The following SS18 variants were observed in gnomAD, a reference collection of about 807,000 sequenced individuals.
The protein encoded by SS18 is SS18 subunit of BAF chromatin remodeling complex.
A neutral mutation model predicts 72.5 loss-of-function variants in SS18; 28 were observed. The observed-to-expected ratio is 0.39, with a 90% CI of 0.29 to 0.53. The LOEUF is 0.53. Ranked by LOEUF, SS18 falls within the 20% of genes least tolerant of loss-of-function variation. The probability of loss-of-function intolerance (pLI) is 0.76; values close to 1 mark genes in which losing one functional copy is unlikely to be tolerated. For synonymous variants in SS18, 172 were observed against 164.2 expected (o/e 1.05, Z -0.37); for missense variants, 518 against 535.3 (o/e 0.97, Z 0.32).
chr18:26,050,999 G>T (rs2053913019), intron 5 of SS18, among the ~76,000 whole-genome samples: 1 of 152,028 alleles, frequency 6.6e-6, no homozygotes, highest in South Asian at 2.1e-4. Flanking sequence ...AATCTCTTCA[G>T]ATCTCTACCT....
intron 5 of SS18, among the ~76,000 whole-genome samples, chr18:26,043,900 T>C (rs573180392): frequency 3.3e-5 from 5 of 152,322 alleles, no homozygotes; most frequent in African/African-American, 1.2e-4. Flanking sequence ...TCATAAAAGT[T>C]TTAAAAGGTA....
intron 4 of SS18, among the ~76,000 whole-genome samples, chr18:26,053,929 A>C (rs574036689): frequency 2.6e-4 from 40 of 152,296 alleles, no homozygotes; most frequent in African/African-American, 9.1e-4. Flanking sequence ...TGTGATGACA[A>C]ACAACAATTC....
intron 2 of SS18, among the ~76,000 whole-genome samples, chr18:26,081,064 G>A (rs1361455153): frequency 7.0e-6 from 1 of 143,270 alleles, no homozygotes; most frequent in Non-Finnish European, 1.5e-5. Context: ...AGTCCGGCCT[G>A]GGCGACAGAG....
In SS18 at chr18:26,078,158, T is replaced by C. The variant is rs1280402072; in HGVS notation, c.149A>G (p.Tyr50Cys). ...CAAGTTTGTGTGCAACATCTGCTGATACCTATTAAAACAAAACAAGTATCA... is the reference window on the plus strand; with the variant it reads ...CAAGTTTGTGTGCAACATCTGCTGACACCTATTAAAACAAAACAAGTATCA... ...NKGKTSECSQ[Y>C]QQMLHTNLVY... The change falls in exon 3 of 11, where the codon TAT (tyrosine) becomes TGT (cysteine). Residue 50 changes from tyrosine to cysteine, a missense_variant and splice_region_variant. Tyr to Cys is a radical substitution (Grantham distance 194). Coordinates refer to ENST00000415083, the MANE Select transcript of SS18 (RefSeq NM_001007559.3). 1.2e-6 allele frequency: 2 copies of C among 1,610,300 alleles called. No individual in the cohort carries two copies. The highest frequency in any genetic ancestry group is 4.5e-5 in the East Asian group (2 of 44,670).
chr18:26,040,674 A>G (rs1206804942), intron 5 of SS18, among the ~76,000 whole-genome samples: 1 of 152,186 alleles, frequency 6.6e-6, no homozygotes, highest in Non-Finnish European at 1.5e-5. Flanking sequence ...CACATTTCCA[A>G]TCAGAAGAAC....
chr18:26,062,609 T>C (rs564089151), intron 3 of SS18, among the ~76,000 whole-genome samples: 5 of 152,288 alleles, frequency 3.3e-5, no homozygotes, highest in South Asian at 4.1e-4. Context: ...ATACATTAGA[T>C]TGGATTTCAA....
chr18:26,038,202 T>C (rs2053658246), intron 7 of SS18, among the ~76,000 whole-genome samples: 1 of 152,130 alleles, frequency 6.6e-6, no homozygotes, highest in Non-Finnish European at 1.5e-5. Flanking sequence ...GGGTGAACTT[T>C]ATGGCAGGTG....
At chr18:26,031,304 C>T (rs2053538548) in intron 10 of SS18, among the ~76,000 whole-genome samples, 1 of 152,112 alleles carries the variant, frequency 6.6e-6, no homozygotes, top group African/African-American at 2.4e-5. Flanking sequence ...AGTGTCAATA[C>T]AAGAGGGTTG....
chr18:26,041,789 T>A (rs1568000483), intron 5 of SS18, among the ~76,000 whole-genome samples: 1 of 152,034 alleles, frequency 6.6e-6, no homozygotes, highest in Non-Finnish European at 1.5e-5. Flanking sequence ...ACACTAAACC[T>A]TGCTCTAAAG....
At chr18:26,067,493 G>A (rs989529079) in intron 3 of SS18, among the ~76,000 whole-genome samples, 1 of 152,176 alleles carries the variant, frequency 6.6e-6, no homozygotes, top group African/African-American at 2.4e-5. Context: ...CCTGTGGAAT[G>A]TCCAAATGGG....
At chr18:26,090,135 T>C (rs928321612) in intron 1 of SS18, 1 of 231,348 alleles carries the variant, frequency 4.3e-6, no homozygotes, top group Non-Finnish European at 8.3e-6. Flanking sequence ...GACGCCAAAG[T>C]AACTCCGGAG....
intron 3 of SS18, among the ~76,000 whole-genome samples, chr18:26,070,294 A>C (rs1598597392): frequency 2.0e-5 from 3 of 152,292 alleles, no homozygotes; most frequent in Admixed American, 2.0e-4. Context: ...TATCTACACT[A>C]AATGGAGCCA....
intron 3 of SS18, among the ~76,000 whole-genome samples, chr18:26,059,648 T>TGAAATA (rs2054085155): frequency 6.6e-6 from 1 of 152,180 alleles, no homozygotes; most frequent in South Asian, 2.1e-4. Context: ...AGGTCGAAAT[T>TGAAATA]GAAATAGATC....
intron 3 of SS18, 56 bp downstream of exon 3, chr18:26,078,020 C>A: frequency 7.7e-7 from 1 of 1,292,302 alleles, no homozygotes; most frequent in South Asian, 1.3e-5. Context: ...AAAAATGTGC[C>A]ATACCATATG....
At chr18:26,066,120 C>G (rs1370961970) in intron 3 of SS18, among the ~76,000 whole-genome samples, 1 of 151,950 alleles carries the variant, frequency 6.6e-6, no homozygotes, top group Non-Finnish European at 1.5e-5. Context: ...CTTACTACGG[C>G]TGTAATTTCA....
intron 10 of SS18, among the ~76,000 whole-genome samples, chr18:26,019,084 G>A (rs944539998): frequency 4.6e-5 from 7 of 152,156 alleles, no homozygotes; most frequent in Non-Finnish European, 1.5e-5. Flanking sequence ...AGCACGAAGG[G>A]ACATGATGAA....
chr18:26,033,492 A>G (rs915470568), intron 9 of SS18, among the ~76,000 whole-genome samples: 3 of 151,594 alleles, frequency 2.0e-5, no homozygotes, highest in African/African-American at 7.3e-5. Flanking sequence ...AGGTTAGGCA[A>G]CAAGAGTGAA....
intron 3 of SS18, among the ~76,000 whole-genome samples, chr18:26,077,020 A>G (rs757617235): frequency 2.0e-4 from 31 of 151,978 alleles, no homozygotes; most frequent in Non-Finnish European, 4.3e-4. Flanking sequence ...TTATCTTTTT[A>G]AAATAATTAC....
chr18:26,057,745 G>C lies in SS18; in HGVS notation c.232-3C>G, dbSNP rs1011927075. The C allele has an allele frequency of 1.9e-6, 3 of 1,594,906 alleles. No individual in the cohort carries two copies. The highest frequency in any genetic ancestry group is 2.6e-6 in the Non-Finnish European group (3 of 1,168,114). On this transcript the variant is annotated splice_polypyrimidine_tract_variant and splice_region_variant and intron_variant, in intron 3 of 10. Coordinates refer to ENST00000415083, the MANE Select transcript of SS18 (RefSeq NM_001007559.3). ...ATAGGCATATTCTGTGTGGGTGGCT[G>C]AAAGAAGACAGTTTAGTAAAACAAG...
Sources: gnomAD v4.1 joint callset for allele counts (sites outside exome capture counted in the v4.1 genomes callset) on GRCh38, gnomAD v4.1.1 for gene constraint, MANE v1.5 for transcripts, NCBI Gene and HGNC (gene_info 2026-07-23, HGNC 2026-07-21) for gene names.